BMPR1B: variants seen among roughly 807,000 people sequenced by gnomAD.
BMPR1B encodes the protein bone morphogenetic protein receptor type 1B.
In BMPR1B, 12 loss-of-function variants were observed where a neutral mutation model predicts 59.1. That is an observed-to-expected ratio of 0.20 (90% CI 0.13 to 0.33). BMPR1B has a LOEUF of 0.33. Ranked by LOEUF, BMPR1B falls within the 10% of genes least tolerant of loss-of-function variation. The pLI is 1.00. For missense variants in BMPR1B, 550 were observed against 610.9 expected, an observed-to-expected ratio of 0.90 and a Z score of 1.05; for synonymous variants, 237 against 207.3, an observed-to-expected ratio of 1.14 and a Z score of -1.23.
At chr4:95,098,878 G>A (rs893086456) in intron 3 of BMPR1B, among the ~76,000 whole-genome samples, 1 of 151,938 alleles carries the variant, frequency 6.6e-6, no homozygotes, top group Non-Finnish European at 1.5e-5. Flanking sequence ...TACCATGCCC[G>A]ACTAATTTTT....
chr4:94,872,205 T>C (rs1184830922), intron 1 of BMPR1B, among the ~76,000 whole-genome samples: 1 of 152,166 alleles, frequency 6.6e-6, no homozygotes. Flanking sequence ...TTAGCTTCTA[T>C]AGCTTTGAAG....
rs1224783584 is a variant in BMPR1B, at chr4:95,156,375, A to G, written c.*1702A>G. Reference sequence around the variant, plus strand: ...AATACTCCAGGGGGCAGTGTTTTATAACACATTTTCCCCACTGGGTGATTG... The same window carrying G: ...AATACTCCAGGGGGCAGTGTTTTATGACACATTTTCCCCACTGGGTGATTG... On this transcript the variant is annotated 3_prime_UTR_variant, in exon 13 of 13. Coordinates refer to ENST00000515059, the MANE Select transcript of BMPR1B (RefSeq NM_001203.3). 2 of 151,348 alleles carry G rather than the reference A, an allele frequency of 1.3e-5. No individual in the cohort carries two copies. The highest frequency in any genetic ancestry group is 1.5e-5 in the Non-Finnish European group (1 of 67,914). 9.4% of individuals were successfully genotyped at this position (151,348 alleles called of 1,614,324 possible).
At chr4:95,071,911 G>C (rs1728336807) in intron 3 of BMPR1B, among the ~76,000 whole-genome samples, 1 of 151,876 alleles carries the variant, frequency 6.6e-6, no homozygotes, top group South Asian at 2.1e-4. Flanking sequence ...AGCCAATAAG[G>C]TGATAAGGCG....
At chr4:95,093,591 CTCT>C (rs1221027465) in intron 3 of BMPR1B, among the ~76,000 whole-genome samples, 4 of 151,782 alleles carry the variant, frequency 2.6e-5, no homozygotes, top group South Asian at 2.1e-4. Context: ...GTCATATTTA[CTCT>C]TCTTATGTTT....
intron 3 of BMPR1B, among the ~76,000 whole-genome samples, chr4:95,041,275 C>T (rs963931963): frequency 1.3e-5 from 2 of 152,028 alleles, no homozygotes; most frequent in Admixed American, 6.6e-5. Context: ...TCTTGAACTT[C>T]CGGGCTCAAG....
At chr4:95,006,594 T>C (rs1578915438) in intron 3 of BMPR1B, among the ~76,000 whole-genome samples, 1 of 147,686 alleles carries the variant, frequency 6.8e-6, no homozygotes, top group Non-Finnish European at 1.5e-5. Flanking sequence ...CAGGCTGGAG[T>C]GCAATGGTGC....
At chr4:95,053,379 A>G (rs1055193499) in intron 3 of BMPR1B, among the ~76,000 whole-genome samples, 2 of 150,830 alleles carry the variant, frequency 1.3e-5, no homozygotes, top group African/African-American at 4.9e-5. Flanking sequence ...TAAGAGTACA[A>G]ATTCTGGACC....
At chr4:95,128,104 T>A (rs113993188) in intron 8 of BMPR1B, among the ~76,000 whole-genome samples, 1 of 152,054 alleles carries the variant, frequency 6.6e-6, no homozygotes, top group African/African-American at 2.4e-5. Context: ...CAGGCTGGTC[T>A]TGAACTCCTG....
At chr4:95,043,516 A>G (rs1353245536) in intron 3 of BMPR1B, among the ~76,000 whole-genome samples, 1 of 152,108 alleles carries the variant, frequency 6.6e-6, no homozygotes, top group African/African-American at 2.4e-5. Flanking sequence ...TAATCTTCTT[A>G]TTTTGTGCAC....
chr4:95,136,073 G>A (rs1236600747), intron 10 of BMPR1B, among the ~76,000 whole-genome samples: 1 of 152,106 alleles, frequency 6.6e-6, no homozygotes, highest in East Asian at 1.9e-4. Context: ...TTAGCATGGA[G>A]GGCTGTTAAA....
intron 10 of BMPR1B, among the ~76,000 whole-genome samples, chr4:95,146,909 C>A (rs1734691727): frequency 6.6e-6 from 1 of 152,154 alleles, no homozygotes; most frequent in Non-Finnish European, 1.5e-5. Context: ...ATACTTTCCT[C>A]CCCTGTCATT....
At chr4:94,819,630 C>T (rs1203141458) in intron 1 of BMPR1B, among the ~76,000 whole-genome samples, 1 of 152,162 alleles carries the variant, frequency 6.6e-6, no homozygotes, top group Non-Finnish European at 1.5e-5. Context: ...TCCCCGAGGA[C>T]CTAGATTTGA....
intron 2 of BMPR1B, among the ~76,000 whole-genome samples, chr4:94,912,145 G>A (rs1380529120): frequency 6.6e-6 from 1 of 151,974 alleles, no homozygotes; most frequent in African/African-American, 2.4e-5. Flanking sequence ...ACTATCATGA[G>A]AACAGTATGG....
intron 1 of BMPR1B, among the ~76,000 whole-genome samples, chr4:94,843,976 C>A (rs1450443506): frequency 7.2e-6 from 1 of 139,798 alleles, no homozygotes; most frequent in Non-Finnish European, 1.5e-5. Flanking sequence ...TTTAGAGAAA[C>A]AAAGAGTAGA....
At chr4:95,095,240 A>T (rs1328231020) in intron 3 of BMPR1B, among the ~76,000 whole-genome samples, 1 of 151,990 alleles carries the variant, frequency 6.6e-6, no homozygotes, top group Non-Finnish European at 1.5e-5. Context: ...AAACTATCTG[A>T]TGTCACAAAG....
chr4:94,768,749 C>G (rs1486968634), intron 1 of BMPR1B, among the ~76,000 whole-genome samples: 2 of 152,042 alleles, frequency 1.3e-5, no homozygotes, highest in Admixed American at 1.3e-4. Context: ...CTAATAAGAG[C>G]AAGATACATT....
At chr4:94,891,245 G>A (rs1013134846) in intron 2 of BMPR1B, among the ~76,000 whole-genome samples, 4 of 152,030 alleles carry the variant, frequency 2.6e-5, no homozygotes, top group African/African-American at 7.2e-5. Context: ...TTGCTGAAAT[G>A]TACAGAGATA....
chr4:95,095,580 G>A (rs1408614323), intron 3 of BMPR1B, among the ~76,000 whole-genome samples: 2 of 152,144 alleles, frequency 1.3e-5, no homozygotes, highest in East Asian at 3.9e-4. Context: ...GAACAGTGAT[G>A]AGAATCAACA....
At chr4:94,786,595 G>A (rs1241730113) in intron 1 of BMPR1B, among the ~76,000 whole-genome samples, 1 of 152,146 alleles carries the variant, frequency 6.6e-6, no homozygotes, top group Non-Finnish European at 1.5e-5. Context: ...CTGGAATGCA[G>A]TGGTGCGATC....
Sources: gnomAD v4.1 joint callset for allele counts (sites outside exome capture counted in the v4.1 genomes callset) on GRCh38, gnomAD v4.1.1 for gene constraint, MANE v1.5 for transcripts, NCBI Gene and HGNC (gene_info 2026-07-23, HGNC 2026-07-21) for gene names.